The following RPS6KC1 variants were observed in gnomAD, a reference collection of about 807,000 sequenced individuals.
The protein encoded by RPS6KC1 is ribosomal protein S6 kinase C1, also known as inactive ribosomal protein S6 kinase delta-1.
Under a neutral mutation model 103.8 loss-of-function variants are expected in RPS6KC1, and 54 were observed. The observed-to-expected ratio is 0.52, with a 90% confidence interval of 0.42 to 0.65. The LOEUF (loss-of-function observed/expected upper bound fraction) is 0.65, where lower values mean the gene tolerates loss of function less well. Among genes scored for constraint, RPS6KC1 ranks in the 30% least tolerant of loss-of-function variants. RPS6KC1 has a pLI of 0.00. For synonymous variants in RPS6KC1, 439 were observed against 438.7 expected (o/e 1.00, Z -0.01); for missense variants, 1,151 against 1,253.8 (o/e 0.92, Z 1.24).
At chr1:213,546,793 C>T in the RPS6KC1 span, among the ~76,000 whole-genome samples, 1 of 152,186 alleles carries the variant, frequency 6.6e-6, no homozygotes, top group Admixed American at 6.5e-5. Flanking sequence ...CATTTTGCCT[C>T]AGTATGGTAC....
the RPS6KC1 span, among the ~76,000 whole-genome samples, chr1:213,674,332 T>C: frequency 6.6e-6 from 1 of 152,220 alleles, no homozygotes; most frequent in African/African-American, 2.4e-5. Context: ...ACCATCTTTA[T>C]GTTTATGAGT....
the RPS6KC1 span, among the ~76,000 whole-genome samples, chr1:213,424,611 T>C: frequency 1.3e-5 from 2 of 152,242 alleles, no homozygotes; most frequent in Non-Finnish European, 2.9e-5. Context: ...GTGCCCATGC[T>C]CCCATCTGCA....
At chr1:213,711,173 T>G in the RPS6KC1 span, among the ~76,000 whole-genome samples, 1 of 152,186 alleles carries the variant, frequency 6.6e-6, no homozygotes, top group Non-Finnish European at 1.5e-5. Flanking sequence ...AGATTTGGTC[T>G]TTTCACTACA....
chr1:213,309,358 T>G, the RPS6KC1 span, among the ~76,000 whole-genome samples: 2 of 152,034 alleles, frequency 1.3e-5, no homozygotes, highest in Admixed American at 1.3e-4. Flanking sequence ...TGGAAATGGA[T>G]AAGGACAGTA....
At chr1:213,695,425 C>T in the RPS6KC1 span, among the ~76,000 whole-genome samples, 1,235 of 152,270 alleles carry the variant, frequency 8.1e-3, 19 homozygotes, top group African/African-American at 0.028. Context: ...AGGGCAACCC[C>T]ACTGAGGGCC....
At chr1:213,664,192 C>CG in the RPS6KC1 span, among the ~76,000 whole-genome samples, 247 of 29,868 alleles carry the variant, frequency 8.3e-3, 14 homozygotes, top group Non-Finnish European at 0.011. Flanking sequence ...AAGAAATGAG[C>CG]GGGGGGGCGG....
At chr1:213,746,875 C>T in the RPS6KC1 span, among the ~76,000 whole-genome samples, 27 of 152,174 alleles carry the variant, frequency 1.8e-4, no homozygotes, top group Admixed American at 1.6e-3. Context: ...GGAGGAGGAG[C>T]TTTTTAGGGA....
the RPS6KC1 span, among the ~76,000 whole-genome samples, chr1:213,385,200 C>A: frequency 7.9e-5 from 12 of 152,238 alleles, no homozygotes; most frequent in African/African-American, 2.9e-4. Flanking sequence ...GTGTCCGGGC[C>A]CTTTAGGGGC....
chr1:213,622,336 C>T, the RPS6KC1 span, among the ~76,000 whole-genome samples: 2 of 150,404 alleles, frequency 1.3e-5, no homozygotes, highest in African/African-American at 4.9e-5. Context: ...CAGTGGCTTT[C>T]TGCTATCAGG....
At chr1:213,363,422 C>T in the RPS6KC1 span, among the ~76,000 whole-genome samples, 2 of 152,184 alleles carry the variant, frequency 1.3e-5, no homozygotes, top group African/African-American at 4.8e-5. Flanking sequence ...TCAACAAGGA[C>T]CAGCTCCTCC....
chr1:213,459,505 AGG>A, the RPS6KC1 span, among the ~76,000 whole-genome samples: 2 of 151,290 alleles, frequency 1.3e-5, no homozygotes, highest in Non-Finnish European at 2.9e-5. Context: ...GTTTGGCTAG[AGG>A]TCTACTTTGT....
At chr1:213,517,468 G>T in the RPS6KC1 span, among the ~76,000 whole-genome samples, 1 of 152,180 alleles carries the variant, frequency 6.6e-6, no homozygotes, top group Non-Finnish European at 1.5e-5. Context: ...CTTTGTTTCT[G>T]CCTTCATTTC....
chr1:213,237,884 T>A (rs2094259156), intron 10 of RPS6KC1, among the ~76,000 whole-genome samples: 1 of 151,858 alleles, frequency 6.6e-6, no homozygotes, highest in African/African-American at 2.4e-5. Context: ...CAATAACAGG[T>A]TTTTTTTAAG....
the RPS6KC1 span, among the ~76,000 whole-genome samples, chr1:213,368,117 C>T: frequency 0.094 from 14,303 of 152,252 alleles, 904 homozygotes; most frequent in Non-Finnish European, 0.14. Context: ...CTAGTGGCCT[C>T]CTCCTACATA....
the RPS6KC1 span, among the ~76,000 whole-genome samples, chr1:213,577,481 C>T: frequency 0.02 from 3,080 of 152,290 alleles, 121 homozygotes; most frequent in African/African-American, 0.07. Flanking sequence ...GGGTAACAGG[C>T]AGAGGTTGGA....
At chr1:213,527,961 T>C in the RPS6KC1 span, among the ~76,000 whole-genome samples, 1 of 152,174 alleles carries the variant, frequency 6.6e-6, no homozygotes, top group African/African-American at 2.4e-5. Context: ...ATTTATTAAG[T>C]GAAAGTGATT....
chr1:213,301,694 T>TTTACTTAC, the RPS6KC1 span, among the ~76,000 whole-genome samples: 801 of 130,202 alleles, frequency 6.2e-3, 8 homozygotes, highest in African/African-American at 0.013. Context: ...GCAAGACCCA[T>TTTACTTAC]TTACTTATTT....
intron 6 of RPS6KC1, 88 bp downstream of exon 6, chr1:213,129,977 T>C: frequency 1.6e-6 from 2 of 1,264,730 alleles, no homozygotes; most frequent in Non-Finnish European, 2.2e-6. Context: ...CTGTATAGTC[T>C]TATGGAAATA....
chr1:213,831,997 A>T, the RPS6KC1 span, among the ~76,000 whole-genome samples: 1 of 152,192 alleles, frequency 6.6e-6, no homozygotes, highest in Non-Finnish European at 1.5e-5. Flanking sequence ...TTTCTTGTCT[A>T]GTGGACCTAA....
Sources: gnomAD v4.1 joint callset for allele counts (sites outside exome capture counted in the v4.1 genomes callset) on GRCh38, gnomAD v4.1.1 for gene constraint, MANE v1.5 for transcripts, NCBI Gene and HGNC (gene_info 2026-07-23, HGNC 2026-07-21) for gene names.